SMAD1: variants seen among roughly 807,000 people sequenced by gnomAD.
SMAD1 encodes the protein SMAD family member 1, also known as MAD, mothers against decapentaplegic homolog 1.
A neutral mutation model predicts 41.6 loss-of-function variants in SMAD1; 6 were observed. The ratio of observed to expected loss-of-function variants is 0.14; its 90% CI spans 0.08 to 0.28. SMAD1 has a LOEUF of 0.28. SMAD1 is among the 10% of genes least tolerant of loss of function. The probability of loss-of-function intolerance (pLI) is 1.00; values close to 1 mark genes in which losing one functional copy is unlikely to be tolerated. For missense variants in SMAD1, 379 were observed against 582.6 expected (o/e 0.65, Z 3.60); for synonymous variants, 206 against 203.2 (o/e 1.01, Z -0.12).
At chr4:145,539,731 T>C in intron 2 of SMAD1, 73 bp from the exon 3 acceptor site, 1 of 1,439,204 alleles carries the variant, frequency 6.9e-7, no homozygotes, top group Non-Finnish European at 9.6e-7. Context: ...GATTATGTTT[T>C]ACTTTATTGT....
Position 145,540,119 on chromosome 4 carries a change from T to C in SMAD1, c.658+58T>C, listed in dbSNP as rs1482818122. 6 of 1,595,316 alleles carry C rather than the reference T, an allele frequency of 3.8e-6. No homozygotes were observed. In the East Asian group the frequency reaches 1.3e-4, roughly 36 times the overall value. ...CATATCAGACAGTGTTATCACAGTG[T>C]CACGGAAAAGCTGGGTCAACCTGCA... On this transcript the variant is annotated intron_variant, in intron 3 of 6. Coordinates refer to ENST00000302085, the MANE Select transcript of SMAD1 (RefSeq NM_005900.3).
At chr4:145,524,130 C>T (rs1009463161) in intron 2 of SMAD1, among the ~76,000 whole-genome samples, 11 of 152,130 alleles carry the variant, frequency 7.2e-5, no homozygotes, top group African/African-American at 2.2e-4. Flanking sequence ...GCCTAGTGGA[C>T]ATGGAGATAA....
Position 145,546,736 on chromosome 4 carries a change from A to C in SMAD1, c.809A>C (p.His270Pro). The change falls in exon 5 of 7, where the codon CAC becomes CCC. Residue 270 changes from histidine (H) to proline (P), a missense_variant. By Grantham distance (77) the His-to-Pro change is moderately conservative. Transcript: ENST00000302085. ...VQAVAYEEPKHWCSIVYYELN... is the reference protein window; with the variant it reads ...VQAVAYEEPKPWCSIVYYELN... The stretch of plus-strand genomic sequence containing the variant: ...GCGGTTGCTTATGAGGAACCAAAAC[A>C]CTGGTGCTCTATTGTCTACTATGAG... 5.0e-6 allele frequency: 8 copies of C among 1,613,772 alleles called. No individual in the cohort carries two copies. Among genetic ancestry groups the C allele is most frequent in the Non-Finnish European group, 6.8e-6 (8 of 1,179,986 alleles).
At chr4:145,537,435 G>C (rs1414674166) in intron 2 of SMAD1, among the ~76,000 whole-genome samples, 1 of 152,146 alleles carries the variant, frequency 6.6e-6, no homozygotes, top group Non-Finnish European at 1.5e-5. Flanking sequence ...TCTGGGTAAA[G>C]GGTATTTGAG....
At chr4:145,556,487 C>T (rs565359465) in intron 6 of SMAD1, among the ~76,000 whole-genome samples, 11 of 152,044 alleles carry the variant, frequency 7.2e-5, no homozygotes, top group East Asian at 3.9e-4. Flanking sequence ...AAGACAGTCT[C>T]GCTCTGTCGC....
rs1301430992 is a variant in SMAD1 at position 145,514,730 on chromosome 4, A to G, written c.117A>G (p.Lys39=). 1 of 1,614,176 alleles carries G rather than the reference A, an allele frequency of 6.2e-7. No individual in the cohort carries two copies. Among genetic ancestry groups the G allele is most frequent in the Non-Finnish European group, 8.5e-7 (1 of 1,180,040 alleles). ...WAEKAVDALV[K]KLKKKKGAME... ...AGAAAGCTGTTGATGCTTTGGTGAA[A>G]AAACTGAAGAAAAAGAAAGGTGCCA... Residue 39 remains lysine, a synonymous_variant, in exon 2 of 7, where the codon AAA becomes AAG. Transcript: ENST00000302085. This position sits in a 1 kb window ranked among gnomAD's most constrained non-coding sequence, Gnocchi z 4.7.
At chr4:145,505,404 G>A (rs925436503) in intron 1 of SMAD1, among the ~76,000 whole-genome samples, 2 of 152,088 alleles carry the variant, frequency 1.3e-5, no homozygotes, top group Admixed American at 1.3e-4. Flanking sequence ...CATCTCCATG[G>A]CATCTAATGA....
At position 145,482,734 on chromosome 4, in the gene SMAD1, C is replaced by T. The variant is rs1035942248; in HGVS notation, c.-177+696C>T. On this transcript the variant is annotated intron_variant, in intron 1 of 6. Coordinates refer to ENST00000302085, the MANE Select transcript of SMAD1 (RefSeq NM_005900.3). This position sits in a 1 kb window ranked among gnomAD's most constrained non-coding sequence, Gnocchi z 4.2. The stretch of plus-strand genomic sequence containing the variant: ...TTTGGCGGCGGCGCGTAATTTTTTC[C>T]CCCTCTTCCGCCTACACCCGCTGCG... 2.0e-5 allele frequency: 3 copies of T among 152,160 alleles called. No individual in the cohort carries two copies. Among genetic ancestry groups the T allele is most frequent in the African/African-American group, 4.8e-5 (2 of 41,418 alleles). 9.4% of individuals were successfully genotyped at this position (152,160 alleles called of 1,614,324 possible).
intron 2 of SMAD1, among the ~76,000 whole-genome samples, chr4:145,532,983 T>A (rs1460448120): frequency 6.6e-6 from 1 of 152,246 alleles, no homozygotes; most frequent in Non-Finnish European, 1.5e-5. Context: ...CATATTTTAA[T>A]TATTCTTTAC....
chr4:145,522,930 G>A (rs1385075111), intron 2 of SMAD1, among the ~76,000 whole-genome samples: 1 of 152,100 alleles, frequency 6.6e-6, no homozygotes, highest in Non-Finnish European at 1.5e-5. Flanking sequence ...GCCCGCCTCA[G>A]CCTCCCAAAG....
At chr4:145,504,427 C>T (rs1729648799) in intron 1 of SMAD1, among the ~76,000 whole-genome samples, 1 of 152,298 alleles carries the variant, frequency 6.6e-6, no homozygotes, top group Non-Finnish European at 1.5e-5. Flanking sequence ...CTGCCTTAAC[C>T]TTAAGGGTAG....
rs750328281 is a variant in SMAD1 at position 145,515,016 on chromosome 4, A to G, written c.400+3A>G. The G allele has an allele frequency of 5.0e-6, 8 of 1,594,342 alleles. No individual in the cohort carries two copies. In the Admixed American group the frequency reaches 1.2e-4, roughly 24 times the overall value. Reference sequence around the variant, plus strand: ...CTATAAGAGAGTAGAAAGCCCTGGTAAGTGAGTTATTTTATGTTGATGTGC... The same window carrying G: ...CTATAAGAGAGTAGAAAGCCCTGGTGAGTGAGTTATTTTATGTTGATGTGC... On this transcript the variant is annotated splice_donor_region_variant and intron_variant, in intron 2 of 6. Transcript: ENST00000302085.
rs1246770074 is a variant in SMAD1 at position 145,546,735 on chromosome 4, C to G, written c.808C>G (p.His270Asp). Residue 270 changes from histidine to aspartate, a missense_variant, in exon 5 of 7, where the codon CAC becomes GAC. His to Asp is a moderately conservative substitution (Grantham distance 81). This residue lies in a region of SMAD1 where 208 missense variants were observed against 210.5 expected (regional missense o/e 0.99). Transcript: ENST00000302085. ...GGCGGTTGCTTATGAGGAACCAAAA[C>G]ACTGGTGCTCTATTGTCTACTATGA... is the stretch of plus-strand genomic sequence containing the variant. The part of the protein sequence containing the change: ...VQAVAYEEPK[H>D]WCSIVYYELN... 3.7e-6 allele frequency: 6 copies of G among 1,613,642 alleles called. No homozygotes were observed. Among genetic ancestry groups the G allele is most frequent in the African/African-American group, 1.3e-5 (1 of 74,884 alleles).
intron 1 of SMAD1, among the ~76,000 whole-genome samples, chr4:145,505,312 T>A (rs548866917): frequency 6.6e-6 from 1 of 152,332 alleles, no homozygotes; most frequent in East Asian, 1.9e-4. Flanking sequence ...TTAGGATAGA[T>A]GACACATACA....
At chr4:145,502,577 T>C (rs1729509303) in intron 1 of SMAD1, among the ~76,000 whole-genome samples, 3 of 152,228 alleles carry the variant, frequency 2.0e-5, no homozygotes, top group African/African-American at 7.2e-5. Flanking sequence ...TGGAAGGATT[T>C]GTGTATGCAG....
At chr4:145,498,035 T>A (rs540581066) in intron 1 of SMAD1, 103 of 152,338 alleles carry the variant, frequency 6.8e-4, no homozygotes, top group African/African-American at 2.4e-3. Context: ...AAACTTTGAT[T>A]TTTAGAAGTT....
At chr4:145,532,263 A>G (rs989877126) in intron 2 of SMAD1, among the ~76,000 whole-genome samples, 3 of 152,278 alleles carry the variant, frequency 2.0e-5, no homozygotes, top group African/African-American at 7.2e-5. Context: ...CAGTTTGAAA[A>G]GCAGAGTTAA....
At chr4:145,521,006 T>G (rs1730714406) in intron 2 of SMAD1, among the ~76,000 whole-genome samples, 1 of 152,216 alleles carries the variant, frequency 6.6e-6, no homozygotes, top group Non-Finnish European at 1.5e-5. Context: ...AAAATAGATC[T>G]TTGGGAAAGT....
intron 5 of SMAD1, 121 bp from the exon 6 acceptor site, chr4:145,553,663 G>T (rs1732680269): frequency 2.2e-6 from 2 of 890,226 alleles, no homozygotes; most frequent in Non-Finnish European, 3.5e-6. Context: ...CTAGAGAATA[G>T]CTAGCTAACT....
Sources: allele counts gnomAD v4.1 joint callset (sites outside exome capture counted in the v4.1 genomes callset), GRCh38; gene constraint gnomAD v4.1.1; regional missense constraint gnomAD v4.1.1; non-coding constraint Gnocchi (gnomAD v3.1); transcripts MANE v1.5; gene names NCBI Gene and HGNC (gene_info 2026-07-23, HGNC 2026-07-21).